The following UNC5C variants were observed in gnomAD, a reference collection of about 807,000 sequenced individuals.
UNC5C encodes the protein unc-5 netrin receptor C, also known as netrin receptor UNC5C.
Under a neutral mutation model 99.8 loss-of-function variants are expected in UNC5C, and 47 were observed. That is an observed-to-expected ratio of 0.47 (90% CI 0.37 to 0.60). UNC5C has a LOEUF of 0.60. Among genes scored for constraint, UNC5C ranks in the 20% least tolerant of loss-of-function variants. The probability of loss-of-function intolerance (pLI) is 0.00; values close to 1 mark genes in which losing one functional copy is unlikely to be tolerated. For missense variants in UNC5C, 1,062 were observed against 1,165.9 expected (o/e 0.91, Z 1.30); for synonymous variants, 487 against 452.2 (o/e 1.08, Z -0.98).
At chr4:95,222,573 G>C (rs377449122) in intron 7 of UNC5C, among the ~76,000 whole-genome samples, 2 of 152,006 alleles carry the variant, frequency 1.3e-5, no homozygotes, top group Non-Finnish European at 2.9e-5. Context: ...CAGACATCAG[G>C]GGTCATTAGC....
intron 1 of UNC5C, among the ~76,000 whole-genome samples, chr4:95,495,392 G>A (rs1721605082): frequency 6.6e-6 from 1 of 151,544 alleles, no homozygotes; most frequent in African/African-American, 2.4e-5. Context: ...TAACACCAGA[G>A]GGAAAGAGAT....
chr4:95,451,890 GACCC>G (rs1253722544), intron 1 of UNC5C, among the ~76,000 whole-genome samples: 7 of 152,076 alleles, frequency 4.6e-5, no homozygotes, highest in African/African-American at 1.7e-4. Flanking sequence ...TAAAATATCT[GACCC>G]AAAATTTCCG....
intron 3 of UNC5C, among the ~76,000 whole-genome samples, chr4:95,293,854 G>A (rs980165195): frequency 1.7e-4 from 26 of 152,148 alleles, no homozygotes; most frequent in African/African-American, 6.3e-4. Context: ...TCATCACATA[G>A]AGTCCTTGCA....
At chr4:95,339,325 A>G (rs765634617) in intron 1 of UNC5C, among the ~76,000 whole-genome samples, 4 of 152,026 alleles carry the variant, frequency 2.6e-5, no homozygotes, top group Non-Finnish European at 4.4e-5. Context: ...CTGCCATGCT[A>G]AAATTTTTAC....
intron 1 of UNC5C, among the ~76,000 whole-genome samples, chr4:95,492,686 A>T (rs1721528745): frequency 6.6e-6 from 1 of 151,562 alleles, no homozygotes; most frequent in Admixed American, 6.6e-5. Flanking sequence ...AATGGAGATT[A>T]AGTTACTAAT....
intron 1 of UNC5C, among the ~76,000 whole-genome samples, chr4:95,431,392 A>G (rs2149460344): frequency 6.6e-6 from 1 of 152,196 alleles, no homozygotes; most frequent in South Asian, 2.1e-4. Flanking sequence ...GGGCTGAGAG[A>G]TGTGTACTTT....
chr4:95,202,613 A>T (rs1422190442), intron 12 of UNC5C, 118 bp downstream of exon 12: 1 of 969,004 alleles, frequency 1.0e-6, no homozygotes, highest in African/African-American at 1.6e-5. Flanking sequence ...TTTGGGCCAA[A>T]CACGTGTCCA....
At chr4:95,239,536 T>C (rs928082885) in intron 7 of UNC5C, among the ~76,000 whole-genome samples, 1 of 152,150 alleles carries the variant, frequency 6.6e-6, no homozygotes, top group African/African-American at 2.4e-5. Context: ...CCCATGTCCA[T>C]ATCCAGCTCC....
intron 9 of UNC5C, among the ~76,000 whole-genome samples, chr4:95,217,089 C>A (rs1233297159): frequency 6.6e-6 from 1 of 152,194 alleles, no homozygotes; most frequent in Non-Finnish European, 1.5e-5. Context: ...ATCCAGCTTC[C>A]TTCAGCTCCA....
intron 1 of UNC5C, among the ~76,000 whole-genome samples, chr4:95,482,853 C>A (rs1721203696): frequency 9.0e-6 from 1 of 111,372 alleles, no homozygotes; most frequent in Non-Finnish European, 1.8e-5. Context: ...ACTCGGGGGA[C>A]TGTTGTGGGG....
At chr4:95,313,732 T>C (rs994071033) in intron 2 of UNC5C, among the ~76,000 whole-genome samples, 1 of 152,214 alleles carries the variant, frequency 6.6e-6, no homozygotes, top group African/African-American at 2.4e-5. Context: ...TGTTTCATAA[T>C]CTTAATGCAA....
intron 1 of UNC5C, among the ~76,000 whole-genome samples, chr4:95,474,306 T>G (rs527478733): frequency 6.6e-5 from 10 of 152,226 alleles, no homozygotes; most frequent in African/African-American, 2.4e-4. Flanking sequence ...TTTCTTATTT[T>G]TTGAGATGAA....
rs560914426 is a variant in UNC5C, at chr4:95,522,631, C to A, written c.124+26103G>T. ...ACTTTTTAATTAGTCTTTAAAAGTT[C>A]AGAGTTGAGAGTCAACCTCTAAAAT... On this transcript the variant is annotated intron_variant, in intron 1 of 15. Coordinates refer to ENST00000453304, the MANE Select transcript of UNC5C (RefSeq NM_003728.4). Among the ~76,000 whole-genome samples, 3 of 152,244 alleles carry A rather than the reference C, an allele frequency of 2.0e-5. No homozygotes were observed. The South Asian group carries it at 6.2e-4, about 32-fold the overall frequency.
chr4:95,219,947 G>A, intron 8 of UNC5C, 38 bp downstream of exon 8: 1 of 1,589,338 alleles, frequency 6.3e-7, no homozygotes, highest in Non-Finnish European at 8.6e-7. Context: ...CTGCTTACAT[G>A]CATAAGTAAC....
intron 1 of UNC5C, among the ~76,000 whole-genome samples, chr4:95,432,892 T>C (rs750929381): frequency 6.6e-6 from 1 of 152,170 alleles, no homozygotes; most frequent in Non-Finnish European, 1.5e-5. Flanking sequence ...GCCTTCACAC[T>C]ATGCTACTTA....
intron 2 of UNC5C, among the ~76,000 whole-genome samples, chr4:95,306,707 G>C (rs1384926592): frequency 1.3e-5 from 2 of 151,984 alleles, no homozygotes; most frequent in African/African-American, 4.8e-5. Flanking sequence ...CTTTCTTATG[G>C]CAAAAGGAAG....
chr4:95,380,055 T>C (rs1745019792), intron 1 of UNC5C, among the ~76,000 whole-genome samples: 1 of 152,180 alleles, frequency 6.6e-6, no homozygotes, highest in South Asian at 2.1e-4. Context: ...TTCTTTAAGG[T>C]TTCCACTTCC....
chr4:95,483,584 C>G (rs1419578086), intron 1 of UNC5C, among the ~76,000 whole-genome samples: 1 of 151,676 alleles, frequency 6.6e-6, no homozygotes, highest in Non-Finnish European at 1.5e-5. Context: ...GAAACAGACC[C>G]TTTTATGGTT....
chr4:95,480,615 A>G (rs1721109135), intron 1 of UNC5C, among the ~76,000 whole-genome samples: 1 of 151,824 alleles, frequency 6.6e-6, no homozygotes, highest in Non-Finnish European at 1.5e-5. Context: ...CTCACAAGTT[A>G]GCCCTTGATA....
Sources: gnomAD v4.1 joint callset for allele counts (sites outside exome capture counted in the v4.1 genomes callset) on GRCh38, gnomAD v4.1.1 for gene constraint, MANE v1.5 for transcripts, NCBI Gene and HGNC (gene_info 2026-07-23, HGNC 2026-07-21) for gene names.